UTRN: variants seen among roughly 807,000 people sequenced by gnomAD.
UTRN encodes utrophin.
In UTRN, 283 loss-of-function variants were observed where a neutral mutation model predicts 463.9. That is an observed-to-expected ratio of 0.61 (90% CI 0.55 to 0.67). The LOEUF is 0.67. Among genes scored for constraint, UTRN ranks in the 30% least tolerant of loss-of-function variants. UTRN has a pLI of 0.00. For synonymous variants in UTRN, 1,442 were observed against 1,431.5 expected (o/e 1.01, Z -0.17); for missense variants, 3,922 against 4,084.3 (o/e 0.96, Z 1.08).
chr6:144,732,253 TATATACACACATATATATATATATAC>T (rs1562832738), intron 54 of UTRN, among the ~76,000 whole-genome samples: 4 of 112,458 alleles, frequency 3.6e-5, no homozygotes, highest in African/African-American at 1.8e-4. Flanking sequence ...TATATATATA[TATATACACACATATATATATATATAC>T]ACACATATAT....
At chr6:144,641,902 G>A (rs1482314557) in intron 51 of UTRN, among the ~76,000 whole-genome samples, 2 of 152,092 alleles carry the variant, frequency 1.3e-5, no homozygotes, top group Non-Finnish European at 2.9e-5. Context: ...CTTGACACAG[G>A]CAATGCAAGT....
chr6:144,742,372 T>G (rs1790196669), intron 54 of UTRN, among the ~76,000 whole-genome samples: 1 of 152,196 alleles, frequency 6.6e-6, no homozygotes, highest in East Asian at 1.9e-4. Context: ...AAACACTGAT[T>G]GAACATTTCA....
chr6:144,340,994 G>T (rs2114629819), intron 2 of UTRN, among the ~76,000 whole-genome samples: 1 of 152,342 alleles, frequency 6.6e-6, no homozygotes, highest in Admixed American at 6.5e-5. Context: ...TAGTTTGGAA[G>T]TTATATTGGC....
chr6:144,681,341 A>C (rs141928356), intron 52 of UTRN, among the ~76,000 whole-genome samples: 1 of 152,282 alleles, frequency 6.6e-6, no homozygotes, highest in East Asian at 1.9e-4. Context: ...AAGAAACTCT[A>C]ATACATAAGG....
chr6:144,600,513 G>A (rs184531934), intron 51 of UTRN, among the ~76,000 whole-genome samples: 1 of 152,312 alleles, frequency 6.6e-6, no homozygotes, highest in East Asian at 1.9e-4. Context: ...ATTTCCTTAA[G>A]CCAAAGCCTA....
chr6:144,539,571 G>T, intron 45 of UTRN, 128 bp downstream of exon 45: 1 of 940,490 alleles, frequency 1.1e-6, no homozygotes, highest in Non-Finnish European at 1.5e-6. Flanking sequence ...GCTTACTAAT[G>T]TTTATATTTT....
At chr6:144,563,115 A>G (rs1001302230) in intron 50 of UTRN, among the ~76,000 whole-genome samples, 1 of 152,162 alleles carries the variant, frequency 6.6e-6, no homozygotes, top group Non-Finnish European at 1.5e-5. Context: ...CTTTCTCATT[A>G]ATATTTATTA....
At position 144,678,196 on chromosome 6, in the gene UTRN, G is replaced by A. The variant is rs139327703; in HGVS notation, c.7480-210G>A. On this transcript the variant is annotated intron_variant, in intron 51 of 74. Coordinates refer to ENST00000367545, the MANE Select transcript of UTRN (RefSeq NM_007124.3). ...ATGGAACCAAAAAAGAGCCTGTATA[G>A]CCAAGACAATCCTAAGCAAAAAGAA... Among the ~76,000 whole-genome samples, 521 of 152,196 alleles carry A rather than the reference G, an allele frequency of 3.4e-3. 2 individuals are homozygous for A. Among genetic ancestry groups the A allele is most frequent in the African/African-American group, 0.012 (489 of 41,534 alleles).
intron 39 of UTRN, among the ~76,000 whole-genome samples, chr6:144,521,294 C>G (rs531041498): frequency 6.6e-6 from 1 of 151,486 alleles, no homozygotes; most frequent in African/African-American, 2.4e-5. Flanking sequence ...CTGCACCCCC[C>G]CAAAAAAATA....
Position 144,533,201 on chromosome 6 carries a change from G to T in UTRN, c.6174G>T (p.Leu2058=). 1.2e-6 allele frequency: 2 copies of T among 1,614,116 alleles called. No homozygotes were observed. Among genetic ancestry groups the T allele is most frequent in the Non-Finnish European group, 1.7e-6 (2 of 1,179,996 alleles). Residue 2058 remains leucine, a synonymous_variant, in exon 43 of 75, where the codon CTG becomes CTT. Transcript: ENST00000367545. ...ATGGAAGCTTCTTGAAAGAAAAACT[G>T]GCAGGTTTAAACCAACGCTGGGATG... The part of the protein sequence containing the change: ...QADGSFLKEK[L]AGLNQRWDAI...
chr6:144,398,066 C>T (rs911283172), intron 2 of UTRN: 10 of 240,996 alleles, frequency 4.1e-5, no homozygotes, highest in East Asian at 3.0e-4. Flanking sequence ...TTCAATATGG[C>T]GTCCGTGCTC....
rs1223193859 is a variant in UTRN, at chr6:144,852,431, G to T, written c.*1434G>T. 6.6e-6 allele frequency: 1 copy of T among 152,416 alleles called. No individual in the cohort carries two copies. Among genetic ancestry groups the T allele is most frequent in the Non-Finnish European group, 1.5e-5 (1 of 68,012 alleles). The allele number at this position is 152,416 out of a possible 1,614,324, so 9.4% of individuals were successfully genotyped here. On this transcript the variant is annotated 3_prime_UTR_variant, in exon 75 of 75. Transcript: ENST00000367545. ...AAAACATAAAGACATTTTAACTTTG[G>T]GTTCTCTTTAGCTGGGATCTGGCCA...
At chr6:144,464,505 CTT>C (rs967617971) in intron 23 of UTRN, among the ~76,000 whole-genome samples, 2 of 145,656 alleles carry the variant, frequency 1.4e-5, no homozygotes, top group Admixed American at 6.9e-5. Flanking sequence ...GACTCATTTA[CTT>C]TTTTTTTTTT....
At chr6:144,753,257 A>G (rs549452038) in intron 56 of UTRN, among the ~76,000 whole-genome samples, 1 of 152,318 alleles carries the variant, frequency 6.6e-6, no homozygotes, top group South Asian at 2.1e-4. Flanking sequence ...ATTGATTTGC[A>G]TTTAGTTTCT....
chr6:144,541,812 T>C (rs1469490337), intron 45 of UTRN, among the ~76,000 whole-genome samples: 2 of 152,162 alleles, frequency 1.3e-5, no homozygotes. Context: ...AAGGTTTTGT[T>C]GAAAAGATCA....
chr6:144,699,235 T>G (rs1784317665), intron 52 of UTRN, among the ~76,000 whole-genome samples: 1 of 152,086 alleles, frequency 6.6e-6, no homozygotes, highest in Non-Finnish European at 1.5e-5. Flanking sequence ...GTCAGGAGTT[T>G]CAGACCAGGC....
intron 38 of UTRN, 66 bp downstream of exon 38, chr6:144,516,453 C>G: frequency 6.6e-7 from 1 of 1,506,668 alleles, no homozygotes; most frequent in Non-Finnish European, 9.0e-7. Flanking sequence ...TTCATTTTTA[C>G]ATCAAGATGT....
intron 19 of UTRN, among the ~76,000 whole-genome samples, chr6:144,455,652 A>C (rs923419068): frequency 7.9e-5 from 12 of 152,176 alleles, no homozygotes; most frequent in African/African-American, 2.7e-4. Flanking sequence ...TATAGTGAGA[A>C]TAACAGTGAT....
At position 144,444,366 on chromosome 6, in the gene UTRN, A is replaced by C; in HGVS notation, c.1598A>C (p.Glu533Ala). 1 of 1,608,924 alleles carries C rather than the reference A, an allele frequency of 6.2e-7. No individual in the cohort carries two copies. The highest frequency in any genetic ancestry group is 8.5e-7 in the Non-Finnish European group (1 of 1,176,996). ...RLQEINILWQ[E>A]LLEEQCLLKA... is the part of the protein sequence containing the mutation. ...CAAGAAATCAATATATTGTGGCAGG[A>C]ATTATTGGAAGAACAGGTATGAAAC... The change falls in exon 14 of 75, where the codon GAA becomes GCA. Residue 533 changes from glutamate (E) to alanine (A), a missense_variant. This residue lies in a region of UTRN where 2,349 missense variants were observed against 2,303.8 expected (regional missense o/e 1.02). Coordinates refer to ENST00000367545, the MANE Select transcript of UTRN (RefSeq NM_007124.3).
Sources: allele counts gnomAD v4.1 joint callset (sites outside exome capture counted in the v4.1 genomes callset), GRCh38; gene constraint gnomAD v4.1.1; regional missense constraint gnomAD v4.1.1; transcripts MANE v1.5; gene names NCBI Gene and HGNC (gene_info 2026-07-23, HGNC 2026-07-21).